The following ROBO2 variants were observed in gnomAD, a reference collection of about 807,000 sequenced individuals.
The protein encoded by ROBO2 is roundabout guidance receptor 2.
ROBO2 carries 53 observed loss-of-function variants against 160.8 expected under a neutral mutation model. The observed-to-expected ratio is 0.33, with a 90% CI of 0.26 to 0.41. The LOEUF (loss-of-function observed/expected upper bound fraction) is 0.41. ROBO2 is among the 10% of genes least tolerant of loss of function. ROBO2 has a pLI of 1.00. For synonymous variants in ROBO2, 664 were observed against 611.7 expected (o/e 1.09, Z -1.26); for missense variants, 1,577 against 1,722.4 (o/e 0.92, Z 1.49).
intron 2 of ROBO2, among the ~76,000 whole-genome samples, chr3:77,145,286 A>C (rs935225879): frequency 6.6e-6 from 1 of 152,200 alleles, no homozygotes; most frequent in Non-Finnish European, 1.5e-5. Flanking sequence ...AAATAAAATG[A>C]ATATTGATTC....
intron 2 of ROBO2, among the ~76,000 whole-genome samples, chr3:76,840,635 T>A (rs2324692): frequency 1.1e-4 from 11 of 95,994 alleles, no homozygotes; most frequent in Middle Eastern, 5.4e-3. Flanking sequence ...ATATATATAT[T>A]AATTATATTT....
chr3:77,137,173 G>T (rs1181267624), intron 2 of ROBO2, among the ~76,000 whole-genome samples: 1 of 152,158 alleles, frequency 6.6e-6, no homozygotes, highest in Non-Finnish European at 1.5e-5. Context: ...AGTAACTTTA[G>T]TGTTGTTACT....
At chr3:76,648,142 A>G (rs1239067715) in intron 2 of ROBO2, among the ~76,000 whole-genome samples, 1 of 152,124 alleles carries the variant, frequency 6.6e-6, no homozygotes, top group Non-Finnish European at 1.5e-5. Flanking sequence ...TATTTCTATA[A>G]CACATAGTAA....
chr3:76,802,805 A>C (rs2064328304), intron 2 of ROBO2, among the ~76,000 whole-genome samples: 1 of 152,204 alleles, frequency 6.6e-6, no homozygotes, highest in African/African-American at 2.4e-5. Context: ...TGTAAGACAA[A>C]TGACTGTAGT....
intron 2 of ROBO2, among the ~76,000 whole-genome samples, chr3:76,212,777 C>T (rs549287792): frequency 1.3e-5 from 2 of 152,014 alleles, no homozygotes; most frequent in East Asian, 3.9e-4. Flanking sequence ...GCTGAAATAT[C>T]CCAGCATTCC....
At chr3:77,123,755 A>G (rs2075016293) in intron 2 of ROBO2, among the ~76,000 whole-genome samples, 1 of 139,894 alleles carries the variant, frequency 7.1e-6, no homozygotes, top group Non-Finnish European at 1.6e-5. Flanking sequence ...TAATCTATAT[A>G]GATACATATC....
chr3:76,190,054 TGCTATTTTCTATAAAA>T (rs1559625323), intron 2 of ROBO2, among the ~76,000 whole-genome samples: 1 of 152,100 alleles, frequency 6.6e-6, no homozygotes, highest in Non-Finnish European at 1.5e-5. Flanking sequence ...TGTTAAAAAA[TGCTATTTTCTATAAAA>T]GCAGTAATAA....
chr3:75,996,266 A>G (rs1277469336), intron 2 of ROBO2, among the ~76,000 whole-genome samples: 1 of 152,140 alleles, frequency 6.6e-6, no homozygotes, highest in African/African-American at 2.4e-5. Flanking sequence ...GTGGGAGGCA[A>G]TTGAATCATG....
chr3:76,538,876 T>G (rs114432808), intron 2 of ROBO2, among the ~76,000 whole-genome samples: 2,482 of 152,258 alleles, frequency 0.016, 39 homozygotes, highest in Non-Finnish European at 0.023. Context: ...CATTTTAATA[T>G]CTGTAATATA....
intron 2 of ROBO2, among the ~76,000 whole-genome samples, chr3:76,430,868 A>C (rs920081140): frequency 5.3e-5 from 8 of 152,052 alleles, no homozygotes; most frequent in African/African-American, 1.9e-4. Flanking sequence ...AAAAGTCTTA[A>C]AGGCTTATAC....
chr3:77,615,780 TA>T (rs2094760527), intron 21 of ROBO2, among the ~76,000 whole-genome samples: 2 of 152,166 alleles, frequency 1.3e-5, no homozygotes, highest in South Asian at 4.1e-4. Context: ...CAAGTATGAA[TA>T]ACACCAATAA....
rs2085727143 is a variant in ROBO2 at position 76,581,901 on chromosome 3, A to G, written c.110-516113A>G. On this transcript the variant is annotated intron_variant, in intron 2 of 26. Coordinates refer to the ROBO2 transcript ENST00000487694. ...CAGGACATTTGTCTCTAATTTTATC[A>G]TGAATTTGTCTCTAATTCACATTAA... Among the ~76,000 whole-genome samples the G allele has an allele frequency of 2.0e-5, 3 of 152,210 alleles. No homozygotes were observed. The South Asian group carries it at 6.2e-4, about 31-fold the overall frequency.
chr3:76,791,222 G>T (rs993617974), intron 2 of ROBO2, among the ~76,000 whole-genome samples: 5 of 151,850 alleles, frequency 3.3e-5, no homozygotes, highest in Middle Eastern at 3.4e-3. Context: ...CATGGAAAAA[G>T]TTGAGGACAG....
intron 2 of ROBO2, among the ~76,000 whole-genome samples, chr3:76,166,106 GA>G (rs1334740061): frequency 6.6e-6 from 1 of 151,142 alleles, no homozygotes; most frequent in African/African-American, 2.4e-5. Flanking sequence ...ACATACTATT[GA>G]AAAAAAATAG....
At chr3:77,224,516 C>G (rs1254391699) in intron 2 of ROBO2, among the ~76,000 whole-genome samples, 1 of 151,878 alleles carries the variant, frequency 6.6e-6, no homozygotes, top group Non-Finnish European at 1.5e-5. Flanking sequence ...AACTTATAGT[C>G]TTGTAATGCT....
chr3:75,969,307 A>C lies in ROBO2; in HGVS notation c.109+31705A>C, dbSNP rs572040140. ...GATATATCTTTCGTATACTGATTTC[A>C]GTTCCTTTGGGTATATACCCAGCAG... On this transcript the variant is annotated intron_variant, in intron 2 of 26. Coordinates refer to the ROBO2 transcript ENST00000487694. Among the ~76,000 whole-genome samples, 22 of 151,422 alleles carry C rather than the reference A, an allele frequency of 1.5e-4. No individual in the cohort carries two copies. The East Asian group carries it at 4.3e-3, about 30-fold the overall frequency.
chr3:76,994,071 A>C (rs1192979174), intron 2 of ROBO2, among the ~76,000 whole-genome samples: 1 of 140,370 alleles, frequency 7.1e-6, no homozygotes, highest in East Asian at 2.3e-4. Flanking sequence ...GAGAAAAAAA[A>C]CAAAGATGTG....
intron 5 of ROBO2, among the ~76,000 whole-genome samples, chr3:77,502,601 G>T (rs1303277555): frequency 6.6e-6 from 1 of 152,124 alleles, no homozygotes; most frequent in African/African-American, 2.4e-5. Flanking sequence ...TGTGAGTAGG[G>T]TGTGATTGGC....
rs1333181826 is a variant in ROBO2 at position 77,579,939 on chromosome 3, T to A, written c.2329-8T>A. ...TATCCATGTGTTATTCACTTTCCAT[T>A]TCTGTAGATCTGGTGTCTAGGAAAT... On this transcript the variant is annotated splice_polypyrimidine_tract_variant and splice_region_variant and intron_variant, in intron 15 of 25. Transcript: ENST00000461745. 6.2e-7 allele frequency: 1 copy of A among 1,612,516 alleles called. No individual in the cohort carries two copies. Among genetic ancestry groups the A allele is most frequent in the Non-Finnish European group, 8.5e-7 (1 of 1,178,724 alleles).
Sources: allele counts gnomAD v4.1 joint callset (sites outside exome capture counted in the v4.1 genomes callset), GRCh38; gene constraint gnomAD v4.1.1; transcripts MANE v1.5; gene names NCBI Gene and HGNC (gene_info 2026-07-23, HGNC 2026-07-21).